CABP4: variants seen among roughly 807,000 people sequenced by gnomAD.
The protein encoded by CABP4 is calcium-binding protein 4.
A neutral mutation model predicts 30.7 loss-of-function variants in CABP4; 30 were observed. The observed-to-expected ratio is 0.98, with a 90% CI of 0.73 to 1.33. The LOEUF (loss-of-function observed/expected upper bound fraction) is 1.33, where lower values mean the gene tolerates loss of function less well. Ranked by LOEUF, CABP4 falls within the 40% of genes most tolerant of loss-of-function variation. The pLI is 0.00. For synonymous variants in CABP4, 161 were observed against 159.2 expected (o/e 1.01, Z -0.08); for missense variants, 424 against 395.5 (o/e 1.07, Z -0.61).
At position 67,455,789 on chromosome 11, in the gene CABP4, G is replaced by A. The variant is rs1864762894; in HGVS notation, c.366G>A (p.Lys122=). The change falls in exon 1 of 6, where the codon AAG becomes AAA. Residue 122 remains lysine, a splice_region_variant and synonymous_variant. Coordinates refer to ENST00000325656, the MANE Select transcript of CABP4 (RefSeq NM_145200.5). The part of the protein sequence containing the change: ...YGPLLNRVFG[K]DRELGPEELD... Reference sequence around the variant, plus strand: ...CCCTGCTCAATCGAGTCTTCGGGAAGGTTAGGTGGGACCTGGATTGGGCTG... The same window carrying A: ...CCCTGCTCAATCGAGTCTTCGGGAAAGTTAGGTGGGACCTGGATTGGGCTG... The A allele has an allele frequency of 1.5e-5, 24 of 1,567,094 alleles. No individual in the cohort carries two copies. Among genetic ancestry groups the A allele is most frequent in the Non-Finnish European group, 2.0e-5 (23 of 1,156,560 alleles).
intron 1 of CABP4, 123 bp from the exon 2 acceptor site, chr11:67,456,065 A>G: frequency 6.3e-7 from 1 of 1,581,164 alleles, no homozygotes; most frequent in Admixed American, 1.7e-5. Flanking sequence ...ACGAGGCTTC[A>G]GGGTCCTTTT....
At chr11:67,457,402 C>T (rs1289486806) in intron 3 of CABP4, among the ~76,000 whole-genome samples, 171 bp from the exon 4 acceptor site, 2 of 152,192 alleles carry the variant, frequency 1.3e-5, no homozygotes, top group Admixed American at 1.3e-4. Context: ...GCCCTGGTAC[C>T]CCAGCAGCCA....
At position 67,457,654 on chromosome 11, in the gene CABP4, T is replaced by G; in HGVS notation, c.623T>G (p.Val208Gly). ...LREETAHMLG[V>G]RELRIAFREF... ...GAGGAGACGGCGCACATGCTGGGGGTGCGAGAGCTGCGCATCGCCTTCCGA... is the reference window on the plus strand; with the variant it reads ...GAGGAGACGGCGCACATGCTGGGGGGGCGAGAGCTGCGCATCGCCTTCCGA... Residue 208 changes from valine to glycine, a missense_variant, in exon 4 of 6, where the codon GTG becomes GGG. Physicochemically the swap from Val to Gly is moderately radical, Grantham distance 109 (BLOSUM62 -3). Coordinates refer to ENST00000325656, the MANE Select transcript of CABP4 (RefSeq NM_145200.5). The G allele has an allele frequency of 1.3e-6, 2 of 1,599,288 alleles. No individual in the cohort carries two copies. Among genetic ancestry groups the G allele is most frequent in the Non-Finnish European group, 1.7e-6 (2 of 1,173,284 alleles).
At chr11:67,454,240 G>A (rs998874532), upstream of CABP4, among the ~76,000 whole-genome samples, 4 of 152,150 alleles carry the variant, frequency 2.6e-5, no homozygotes, top group South Asian at 2.1e-4. Flanking sequence ...CGCTGGCAGC[G>A]GGGAGGGAGT....
chr11:67,456,124 T>C (rs1864778743), intron 1 of CABP4, 64 bp from the exon 2 acceptor site: 1 of 1,612,640 alleles, frequency 6.2e-7, no homozygotes, highest in Admixed American at 1.7e-5. Context: ...GAGCAGGGGA[T>C]GAAGGAGGAA....
rs547113573 is a variant in CABP4, at chr11:67,461,187, C to T, written c.*2528C>T. Among the ~76,000 whole-genome samples the T allele has an allele frequency of 4.9e-4, 74 of 152,070 alleles. No individual in the cohort carries two copies. Among genetic ancestry groups the T allele is most frequent in the African/African-American group, 1.7e-3 (71 of 41,460 alleles). On this transcript the variant is annotated 3_prime_UTR_variant, in exon 6 of 6. Coordinates refer to ENST00000325656, the MANE Select transcript of CABP4 (RefSeq NM_145200.5). ...GCTCATGCTTGTAGTTCCAGCTATT[C>T]AGGAGGCTGAGGTGAGAGGATCATT...
chr11:67,454,360 T>G (rs1027448945), upstream of CABP4, among the ~76,000 whole-genome samples: 5 of 152,100 alleles, frequency 3.3e-5, no homozygotes, highest in African/African-American at 4.8e-5. Flanking sequence ...CACTTGGCCT[T>G]TAGTTTGGTG....
rs1179219764 is a variant in CABP4, at chr11:67,455,767, T to C, written c.344T>C (p.Leu115Pro). 1 of 1,585,272 alleles carries C rather than the reference T, an allele frequency of 6.3e-7. No individual in the cohort carries two copies. Among genetic ancestry groups the C allele is most frequent in the Non-Finnish European group, 8.6e-7 (1 of 1,166,880 alleles). ...HDAAQRTYGP[L>P]LNRVFGKDRE... ...GCTGCTCAGAGGACATACGGGCCCC[T>C]GCTCAATCGAGTCTTCGGGAAGGTT... Residue 115 changes from leucine (L) to proline (P), a missense_variant, in exon 1 of 6, where the codon CTG (leucine) becomes CCG (proline). Physicochemically the swap from Leu to Pro is moderately conservative, Grantham distance 98 (BLOSUM62 -3). Transcript: ENST00000325656.
chr11:67,452,629 G>A, upstream of CABP4: 1 of 1,613,704 alleles, frequency 6.2e-7, no homozygotes, highest in Non-Finnish European at 8.5e-7. Context: ...GGAAGACCGT[G>A]TCCCAGCCAC....
upstream of CABP4, among the ~76,000 whole-genome samples, chr11:67,454,113 T>C (rs541458582): frequency 1.6e-4 from 24 of 152,164 alleles, 2 homozygotes; most frequent in South Asian, 5.0e-3. Flanking sequence ...CTGGAGCTGC[T>C]AAAGAGAGGG....
Position 67,458,947 on chromosome 11 carries a change from G to GCA in CABP4, c.*288_*289insCA. 1 of 524,442 alleles carries GCA rather than the reference G, an allele frequency of 1.9e-6. No individual in the cohort carries two copies. Among genetic ancestry groups the GCA allele is most frequent in the Admixed American group, 3.2e-5 (1 of 31,736 alleles). 32.5% of individuals were successfully genotyped at this position (524,442 alleles called of 1,614,324 possible). A position where few individuals can be genotyped will look rare whatever the true frequency, so the allele number is the denominator to read the frequency against. On this transcript the variant is annotated 3_prime_UTR_variant, in exon 6 of 6. Transcript: ENST00000325656. ...TCTCCAGACCTCTGGGAGGTAGGGA[G>GCA]TTCCCTGGCACTGGCAGCATTCAGT...
chr11:67,457,320 A>G (rs1864847624), intron 3 of CABP4, among the ~76,000 whole-genome samples: 1 of 152,078 alleles, frequency 6.6e-6, no homozygotes, highest in South Asian at 2.1e-4. Context: ...CAAGATTTGA[A>G]CCGGGCACTA....
At chr11:67,452,642 T>C (rs1038429610), upstream of CABP4, 5 of 1,613,412 alleles carry the variant, frequency 3.1e-6, no homozygotes, top group Admixed American at 8.3e-5. Flanking sequence ...CCAGCCACCT[T>C]GGGGGTAGGA....
chr11:67,452,546 T>A (rs1219038019), upstream of CABP4: 4 of 1,606,654 alleles, frequency 2.5e-6, no homozygotes, highest in South Asian at 4.4e-5. Flanking sequence ...GCCAGCTCCA[T>A]GCCGGGCCTG....
intron 3 of CABP4, 27 bp from the exon 4 acceptor site, chr11:67,457,546 A>G (rs1159475727): frequency 1.3e-6 from 2 of 1,551,590 alleles, no homozygotes; most frequent in Non-Finnish European, 1.7e-6. Context: ...TGCCCTCACC[A>G]TTGTGACACT....
chr11:67,456,534 G>A, intron 3 of CABP4, 92 bp downstream of exon 3: 3 of 1,491,462 alleles, frequency 2.0e-6, no homozygotes, highest in South Asian at 1.2e-5. Flanking sequence ...GTCCATCGGG[G>A]TGCTAGTGGG....
Position 67,461,412 on chromosome 11 carries a change from A to C in CABP4, c.*2753A>C, listed in dbSNP as rs1325100562. 2.6e-5 allele frequency among the ~76,000 whole-genome samples: 4 copies of C among 152,244 alleles called. No homozygotes were observed. The highest frequency in any genetic ancestry group is 2.9e-5 in the Non-Finnish European group (2 of 68,036). ...TTCCATAAAGACTTCCACAGACTTC[A>C]ACTCCCCAGATTGAAGGAACAAACT... On this transcript the variant is annotated 3_prime_UTR_variant, in exon 6 of 6. Transcript: ENST00000325656.
At chr11:67,456,953 C>T (rs1565162358) in intron 3 of CABP4, among the ~76,000 whole-genome samples, 4 of 152,334 alleles carry the variant, frequency 2.6e-5, no homozygotes, top group Admixed American at 6.5e-5. Context: ...GGTTCCCCTT[C>T]GCTGGTTTGT....
Position 67,456,169 on chromosome 11 carries a change from C to T in CABP4, c.367-19C>T. 1 of 1,613,050 alleles carries T rather than the reference C, an allele frequency of 6.2e-7. No homozygotes were observed. The highest frequency in any genetic ancestry group is 8.5e-7 in the Non-Finnish European group (1 of 1,179,860). On this transcript the variant is annotated intron_variant, in intron 1 of 5. Transcript: ENST00000325656. ...AGCCGTGGCTGGCCCTGGGGACATC[C>T]TGGACTCTCCCCCTGCAGGACCGCG...
Sources: allele counts gnomAD v4.1 joint callset (sites outside exome capture counted in the v4.1 genomes callset), GRCh38; gene constraint gnomAD v4.1.1; transcripts MANE v1.5; gene names NCBI Gene and HGNC (gene_info 2026-07-23, HGNC 2026-07-21).